COLQ: variants seen among roughly 807,000 people sequenced by gnomAD.
COLQ encodes collagen like tail subunit of asymmetric acetylcholinesterase, also known as acetylcholinesterase collagenic tail peptide.
In COLQ, 48 loss-of-function variants were observed where a neutral mutation model predicts 69.0. That is an observed-to-expected ratio of 0.70 (90% CI 0.55 to 0.88). The LOEUF (loss-of-function observed/expected upper bound fraction) is 0.88. Among genes scored for constraint, COLQ ranks in the 40% least tolerant of loss-of-function variants. COLQ has a pLI of 0.00. For synonymous variants in COLQ, 217 were observed against 211.2 expected (o/e 1.03, Z -0.24); for missense variants, 618 against 594.6 (o/e 1.04, Z -0.41).
At chr3:15,459,907 G>T (rs2062082951) in intron 12 of COLQ, among the ~76,000 whole-genome samples, 1 of 152,036 alleles carries the variant, frequency 6.6e-6, no homozygotes, top group South Asian at 2.1e-4. Context: ...CTCTCAAGAT[G>T]ATTCCAATTT....
intron 12 of COLQ, among the ~76,000 whole-genome samples, chr3:15,461,057 A>G (rs1439186387): frequency 6.6e-6 from 1 of 152,164 alleles, no homozygotes; most frequent in Non-Finnish European, 1.5e-5. Context: ...AAGAATACTG[A>G]TGCTCTCAGG....
At chr3:15,519,837 A>T (rs538982355) in intron 1 of COLQ, among the ~76,000 whole-genome samples, 2 of 152,342 alleles carry the variant, frequency 1.3e-5, no homozygotes, top group African/African-American at 4.8e-5. Context: ...TAAATTAAGT[A>T]ATACAAAATG....
In COLQ at chr3:15,521,669, T is replaced by C. The variant is rs1161363728; in HGVS notation, c.-44A>G. 1.9e-6 allele frequency: 3 copies of C among 1,612,170 alleles called. No individual in the cohort carries two copies. The highest frequency in any genetic ancestry group is 2.5e-6 in the Non-Finnish European group (3 of 1,179,328). On this transcript the variant is annotated 5_prime_UTR_variant, in exon 1 of 17. Coordinates refer to ENST00000383788, the MANE Select transcript of COLQ (RefSeq NM_005677.4). ...AGGGTCAAGTTAGAAAGGAGGCTGC[T>C]GCGGAGCCTTGCTTATCTCTGCTTT...
intron 1 of COLQ, among the ~76,000 whole-genome samples, chr3:15,519,448 C>CCT (rs2063105959): frequency 6.6e-6 from 1 of 152,216 alleles, no homozygotes; most frequent in Non-Finnish European, 1.5e-5. Context: ...ATGACCAATG[C>CCT]TCTTGCTTAA....
At chr3:15,512,910 A>G (rs544485126) in intron 1 of COLQ, among the ~76,000 whole-genome samples, 2 of 152,342 alleles carry the variant, frequency 1.3e-5, no homozygotes, top group East Asian at 3.9e-4. Flanking sequence ...TTTGAACTCC[A>G]GCAGTGCGGC....
At chr3:15,491,652 A>G (rs2062669823) in intron 1 of COLQ, among the ~76,000 whole-genome samples, 2 of 152,258 alleles carry the variant, frequency 1.3e-5, no homozygotes, top group South Asian at 4.1e-4. Context: ...GAAATATTTT[A>G]TAAAGACACC....
chr3:15,453,779 G>GGAGGGAGGGAGAAAGAAGGGGGA, intron 16 of COLQ, 50 bp downstream of exon 16: 1 of 1,198,210 alleles, frequency 8.3e-7, no homozygotes, highest in Admixed American at 1.9e-5. Flanking sequence ...AAAGCAAAGA[G>GGAGGGAGGGAGAAAGAAGGGGGA]GAGGGAGGGA....
intron 1 of COLQ, among the ~76,000 whole-genome samples, chr3:15,499,690 C>T (rs1183520882): frequency 6.6e-6 from 1 of 152,140 alleles, no homozygotes; most frequent in African/African-American, 2.4e-5. Flanking sequence ...ACAGTAAGTA[C>T]CAAATTGTGC....
intron 3 of COLQ, among the ~76,000 whole-genome samples, chr3:15,480,845 T>G (rs1484047201): frequency 6.6e-6 from 1 of 152,224 alleles, no homozygotes; most frequent in African/African-American, 2.4e-5. Context: ...CAGCACCTGT[T>G]GTTTCCTGAC....
intron 6 of COLQ, 146 bp downstream of exon 6, chr3:15,476,980 G>C (rs1044233021): frequency 1.2e-6 from 1 of 816,890 alleles, no homozygotes; most frequent in Non-Finnish European, 2.1e-6. Context: ...AAGTATCTGG[G>C]GCCCTGTGGC....
At chr3:15,464,965 G>A (rs952880646) in intron 12 of COLQ, among the ~76,000 whole-genome samples, 4 of 152,106 alleles carry the variant, frequency 2.6e-5, no homozygotes, top group African/African-American at 9.7e-5. Context: ...CACGAGGTCC[G>A]GAGTTCCAGA....
At position 15,488,179 on chromosome 3, in the gene COLQ, G is replaced by A. The variant is rs73146167; in HGVS notation, c.321+27C>T. On this transcript the variant is annotated intron_variant, in intron 3 of 16. Transcript: ENST00000383788. ...TTTCCTGCTCTAAACAGAAGACAGC[G>A]AGAGGGGTCCGGTAGAGTGCACCAA... The A allele has an allele frequency of 1.2e-3, 1,829 of 1,540,248 alleles. 14 individuals carry two copies. The African/African-American group carries it at 0.02, about 17-fold the overall frequency.
rs73146141 is a variant in COLQ, at chr3:15,473,648, G to A, written c.636+352C>T. ...CTGTGTGCTGACAGGGGCTTTGACC[G>A]TTGTGGCTCAGATCTGAGTCCCCTG... On this transcript the variant is annotated intron_variant, in intron 10 of 16. Transcript: ENST00000383788. The surrounding 1 kb of genome is among the most constrained non-coding windows in gnomAD (Gnocchi z 4.0). 0.011 allele frequency among the ~76,000 whole-genome samples: 1,699 copies of A among 152,260 alleles called. 29 individuals carry two copies. Among genetic ancestry groups the A allele is most frequent in the African/African-American group, 0.038 (1,583 of 41,544 alleles).
At chr3:15,477,411 G>T in intron 5 of COLQ, 1 of 570,276 alleles carries the variant, frequency 1.8e-6, no homozygotes. Flanking sequence ...AGAAATGGAG[G>T]GTGGTGAGAA....
chr3:15,483,390 C>T (rs2062524242), intron 3 of COLQ, among the ~76,000 whole-genome samples: 1 of 152,136 alleles, frequency 6.6e-6, no homozygotes, highest in Non-Finnish European at 1.5e-5. Flanking sequence ...TTAAATGTGT[C>T]CCAGAGATTC....
At chr3:15,500,905 T>C (rs73816222) in intron 1 of COLQ, among the ~76,000 whole-genome samples, 7,113 of 152,268 alleles carry the variant, frequency 0.047, 550 homozygotes, top group African/African-American at 0.16. Flanking sequence ...GGACAACCCA[T>C]TTCCCCTGTG....
At chr3:15,458,139 G>C in intron 13 of COLQ, 47 bp downstream of exon 13, 1 of 1,607,790 alleles carries the variant, frequency 6.2e-7, no homozygotes, top group Non-Finnish European at 8.5e-7. Context: ...GATCAGGTGA[G>C]AGGTCCTCAC....
At chr3:15,467,960 G>T in intron 11 of COLQ, 1 of 456,752 alleles carries the variant, frequency 2.2e-6, no homozygotes, top group Admixed American at 2.3e-5. Context: ...CCATGTTTAT[G>T]GAGGGAGTTC....
At chr3:15,488,110 T>A in intron 3 of COLQ, 96 bp downstream of exon 3, 1 of 886,942 alleles carries the variant, frequency 1.1e-6, no homozygotes, top group Non-Finnish European at 1.8e-6. Context: ...CAGCTTTGTA[T>A]CACATGAGAA....
Sources: gnomAD v4.1 joint callset for allele counts (sites outside exome capture counted in the v4.1 genomes callset) on GRCh38, gnomAD v4.1.1 for gene constraint, Gnocchi (gnomAD v3.1) non-coding constraint, MANE v1.5 for transcripts, NCBI Gene and HGNC (gene_info 2026-07-23, HGNC 2026-07-21) for gene names.